LYPD6: variants seen among roughly 807,000 people sequenced by gnomAD.
LYPD6 encodes the protein LY6/PLAUR domain containing 6.
A neutral mutation model predicts 22.7 loss-of-function variants in LYPD6; 15 were observed. The observed-to-expected ratio is 0.66, with a 90% CI of 0.44 to 1.02. The LOEUF is 1.02. LYPD6 is among the 50% of genes least tolerant of loss of function. The pLI is 0.00. For synonymous variants in LYPD6, 72 were observed against 77.5 expected, an observed-to-expected ratio of 0.93 and a Z score of 0.37; for missense variants, 189 against 208.4, an observed-to-expected ratio of 0.91 and a Z score of 0.57.
intron 1 of LYPD6, among the ~76,000 whole-genome samples, chr2:149,340,950 T>C (rs987486472): frequency 5.9e-5 from 9 of 152,112 alleles, no homozygotes; most frequent in Non-Finnish European, 1.3e-4. Context: ...TTTAATTTCT[T>C]AGAAAATTTT....
At chr2:149,419,537 A>G (rs995155455) in intron 1 of LYPD6, among the ~76,000 whole-genome samples, 7 of 152,224 alleles carry the variant, frequency 4.6e-5, no homozygotes, top group African/African-American at 1.7e-4. Flanking sequence ...AGTGGCTCCC[A>G]AATCGGACAG....
At chr2:149,377,143 C>G (rs902650459) in intron 1 of LYPD6, among the ~76,000 whole-genome samples, 1 of 151,906 alleles carries the variant, frequency 6.6e-6, no homozygotes, top group Non-Finnish European at 1.5e-5. Context: ...CAACAAATGA[C>G]TTTGAATAGG....
At chr2:149,400,306 T>G (rs1264325520) in intron 1 of LYPD6, among the ~76,000 whole-genome samples, 2 of 152,252 alleles carry the variant, frequency 1.3e-5, no homozygotes, top group African/African-American at 4.8e-5. Context: ...ACCCTTGAAT[T>G]GTTTCCTGCT....
chr2:149,349,523 A>G (rs1274111463), intron 1 of LYPD6, among the ~76,000 whole-genome samples: 1 of 152,204 alleles, frequency 6.6e-6, no homozygotes, highest in Non-Finnish European at 1.5e-5. Flanking sequence ...AAACACACCA[A>G]AGTCATGATG....
chr2:149,341,496 A>T (rs1414023857), intron 1 of LYPD6, among the ~76,000 whole-genome samples: 1 of 152,166 alleles, frequency 6.6e-6, no homozygotes, highest in African/African-American at 2.4e-5. Context: ...AATGTTTTGC[A>T]TAGAGTAAGC....
At chr2:149,450,664 A>G (rs1683785784) in intron 3 of LYPD6, among the ~76,000 whole-genome samples, 1 of 152,244 alleles carries the variant, frequency 6.6e-6, no homozygotes, top group Non-Finnish European at 1.5e-5. Context: ...CAAATGGGCC[A>G]GTATTTTCTA....
At chr2:149,475,395 A>G (rs1681433071), downstream of LYPD6, among the ~76,000 whole-genome samples, 1 of 152,078 alleles carries the variant, frequency 6.6e-6, no homozygotes, top group South Asian at 2.1e-4. Flanking sequence ...ACCTTGGGGC[A>G]CTCTTCACTG....
At chr2:149,423,026 T>C (rs1218446138) in intron 1 of LYPD6, among the ~76,000 whole-genome samples, 1 of 152,122 alleles carries the variant, frequency 6.6e-6, no homozygotes, top group African/African-American at 2.4e-5. Flanking sequence ...GGAATGAACA[T>C]AGAGGTTTAT....
chr2:149,414,548 T>C (rs759272332), intron 1 of LYPD6, among the ~76,000 whole-genome samples: 13 of 152,250 alleles, frequency 8.5e-5, no homozygotes, highest in Non-Finnish European at 1.8e-4. Context: ...ATTATACTTT[T>C]AACATTTCTG....
intron 3 of LYPD6, among the ~76,000 whole-genome samples, chr2:149,453,820 T>G (rs1169910608): frequency 6.6e-6 from 1 of 152,262 alleles, no homozygotes; most frequent in African/African-American, 2.4e-5. Flanking sequence ...TTCTTCCTTT[T>G]AGGCAATTTT....
At chr2:149,409,483 C>T (rs1682806190) in intron 1 of LYPD6, among the ~76,000 whole-genome samples, 2 of 152,152 alleles carry the variant, frequency 1.3e-5, no homozygotes. Flanking sequence ...TCAGGTTTCT[C>T]AGGTGGTGAG....
chr2:149,403,192 T>C (rs1465524407), intron 1 of LYPD6, among the ~76,000 whole-genome samples: 8 of 152,212 alleles, frequency 5.3e-5, no homozygotes, highest in South Asian at 2.1e-4. Flanking sequence ...AGTAAACATA[T>C]GTGTGCATGT....
At chr2:149,407,219 G>A (rs1444410959) in intron 1 of LYPD6, among the ~76,000 whole-genome samples, 1 of 152,172 alleles carries the variant, frequency 6.6e-6, no homozygotes, top group Non-Finnish European at 1.5e-5. Flanking sequence ...TCTTGGAGTT[G>A]CTCTTCTGGA....
intron 1 of LYPD6, among the ~76,000 whole-genome samples, chr2:149,425,885 C>A (rs150257806): frequency 6.5e-4 from 99 of 152,256 alleles, no homozygotes; most frequent in Non-Finnish European, 1.4e-3. Context: ...CAATCTTATA[C>A]CCTTTCACAA....
At chr2:149,443,790 C>G (rs917468911) in intron 2 of LYPD6, among the ~76,000 whole-genome samples, 2 of 151,814 alleles carry the variant, frequency 1.3e-5, no homozygotes, top group African/African-American at 4.8e-5. Context: ...AGTTCCAGAC[C>G]ACCACAACAA....
intron 3 of LYPD6, among the ~76,000 whole-genome samples, chr2:149,450,802 T>G (rs573854799): frequency 3.7e-4 from 57 of 152,228 alleles, no homozygotes; most frequent in Non-Finnish European, 6.6e-4. Context: ...TTCCCAGCGA[T>G]TCATATTAAA....
chr2:149,485,951 G>A, the LYPD6 span, among the ~76,000 whole-genome samples: 1 of 152,172 alleles, frequency 6.6e-6, no homozygotes, highest in Non-Finnish European at 1.5e-5. Flanking sequence ...ATTGAATCAG[G>A]GGTTTTAAAA....
intron 3 of LYPD6, among the ~76,000 whole-genome samples, chr2:149,465,068 C>T (rs867153542): frequency 1.4e-4 from 22 of 152,166 alleles, no homozygotes; most frequent in Admixed American, 2.6e-4. Context: ...GAACACATGG[C>T]ATGAGAAGTT....
Position 149,470,824 on chromosome 2 carries a change from T to G in LYPD6, c.490T>G (p.Trp164Gly), listed in dbSNP as rs769275684. 1.9e-6 allele frequency: 3 copies of G among 1,613,316 alleles called. No individual in the cohort carries two copies. Among genetic ancestry groups the G allele is most frequent in the Non-Finnish European group, 2.5e-6 (3 of 1,179,608 alleles). ...TATGTCAGTGATAGTGTCCTGCTTG[T>G]GGTTGTGGTTAGGGCTCATGTTATA... ...RCMSVIVSCL[W>G]LWLGLML Residue 164 changes from tryptophan (W) to glycine (G), a missense_variant, in exon 5 of 5, where the codon TGG (tryptophan) becomes GGG (glycine). Physicochemically the swap from Trp to Gly is radical, Grantham distance 184. Transcript: ENST00000334166.
Sources: gnomAD v4.1 joint callset for allele counts (sites outside exome capture counted in the v4.1 genomes callset) on GRCh38, gnomAD v4.1.1 for gene constraint, MANE v1.5 for transcripts, NCBI Gene and HGNC (gene_info 2026-07-23, HGNC 2026-07-21) for gene names.